Variants in TIGD1 observed in about 807,000 individuals in gnomAD.
TIGD1 encodes the protein tigger transposable element derived 1.
Under a neutral mutation model 21.3 loss-of-function variants are expected in TIGD1, and 20 were observed. The ratio of observed to expected loss-of-function variants is 0.94; its 90% confidence interval spans 0.66 to 1.36. TIGD1 has a LOEUF of 1.36. Ranked by LOEUF, TIGD1 falls within the 40% of genes most tolerant of loss-of-function variation. The pLI, the probability that TIGD1 is intolerant of heterozygous loss-of-function variation, is 0.00. For synonymous variants in TIGD1, 177 were observed against 123.2 expected (o/e 1.44, Z -2.89); for missense variants, 556 against 350.5 (o/e 1.59, Z -4.68).
rs1692203084 is a variant in TIGD1, at chr2:232,549,097, G to C, written c.786C>G (p.Asn262Lys). 10 of 715,844 alleles carry C rather than the reference G, an allele frequency of 1.4e-5. 1 individual carries two copies. Among genetic ancestry groups the C allele is most frequent in the South Asian group, 1.3e-4 (9 of 67,376 alleles). The allele number at this position is 715,844 out of a possible 1,614,324, so 44.3% of individuals were successfully genotyped here. ...GATGTGCTGTCATCCGGGCTTTGCTGTTCCATTTATATAGCACGGGTAGAG... is the reference window on the plus strand; with the variant it reads ...GATGTGCTGTCATCCGGGCTTTGCTCTTCCATTTATATAGCACGGGTAGAG... ...KSTLPVLYKW[N>K]SKARMTAHLF... Residue 262 changes from asparagine to lysine, a missense_variant, in exon 1 of 1, where the codon AAC becomes AAG. Coordinates refer to ENST00000408957, the MANE Select transcript of TIGD1 (RefSeq NM_145702.4).
chr2:232,544,310 T>G lies in TIGD1; in HGVS notation c.*3797A>C. On this transcript the variant is annotated 3_prime_UTR_variant, in exon 1 of 1. Transcript: ENST00000408957. ...GCAGCACAAGCCCTTCACGCCAACC[T>G]CTGGCTTCTGCTCTGAAGCTCGGCC... 1 of 1,356,856 alleles carries G rather than the reference T, an allele frequency of 7.4e-7. No homozygotes were observed. The highest frequency in any genetic ancestry group is 1.1e-6 in the Non-Finnish European group (1 of 950,106). 84.1% of individuals were successfully genotyped at this position (1,356,856 alleles called of 1,614,324 possible).
rs1025891297 is a variant in TIGD1 at position 232,545,333 on chromosome 2, GGAAA to G, written c.*2770_*2773del. On this transcript the variant is annotated 3_prime_UTR_variant, in exon 1 of 1. Coordinates refer to ENST00000408957, the MANE Select transcript of TIGD1 (RefSeq NM_145702.4). Reference sequence around the variant, plus strand: ...GACTCCGTCTCAAAAAAAAAAAAAAGGAAAGAAAGAAAGAAAAAGGAACAGGGGC... The same window carrying G: ...GACTCCGTCTCAAAAAAAAAAAAAAGGAAAGAAAGAAAAAGGAACAGGGGC... Among the ~76,000 whole-genome samples the G allele has an allele frequency of 6.8e-6, 1 of 146,462 alleles. No homozygotes were observed. The highest frequency in any genetic ancestry group is 2.5e-5 in the African/African-American group (1 of 39,226).
At position 232,549,794 on chromosome 2, in the gene TIGD1, C is replaced by A. The variant is rs779778224; in HGVS notation, c.89G>T (p.Gly30Val). The change falls in exon 1 of 1, where the codon GGT (glycine) becomes GTT (valine). Residue 30 changes from glycine to valine, a missense_variant. Transcript: ENST00000408957. The stretch of plus-strand genomic sequence containing the variant: ...TCGGCCTATCTCGGCTTTTGACATA[C>A]CTTCCTCACTCAGTTTAATCATTTC... ...KLEMIKLSEE[G>V]MSKAEIGRRL... The A allele has an allele frequency of 2.3e-5, 35 of 1,545,748 alleles. No homozygotes were observed. Among genetic ancestry groups the A allele is most frequent in the Non-Finnish European group, 2.9e-5 (33 of 1,142,858 alleles).
At position 232,544,268 on chromosome 2, in the gene TIGD1, T is replaced by C. The variant is rs2106222692; in HGVS notation, c.*3839A>G. On this transcript the variant is annotated 3_prime_UTR_variant, in exon 1 of 1. Transcript: ENST00000408957. Reference sequence around the variant, plus strand: ...AGGCCACGTCACTGCCCCGGTATGCTGCCTCCATGGTCCCTAGCAGCACAA... The same window carrying C: ...AGGCCACGTCACTGCCCCGGTATGCCGCCTCCATGGTCCCTAGCAGCACAA... The C allele has an allele frequency of 1.1e-6, 1 of 918,994 alleles. No homozygotes were observed. The highest frequency in any genetic ancestry group is 1.3e-5 in the South Asian group (1 of 76,990). 56.9% of individuals were successfully genotyped at this position (918,994 alleles called of 1,614,324 possible).
Position 232,548,117 on chromosome 2 carries a change from C to A in TIGD1, c.1766G>T (p.Gly589Val), listed in dbSNP as rs775316476. 6 of 765,744 alleles carry A rather than the reference C, an allele frequency of 7.8e-6. No homozygotes were observed. The South Asian group carries it at 9.7e-5, about 12-fold the overall frequency. 47.4% of individuals were successfully genotyped at this position (765,744 alleles called of 1,614,324 possible). Residue 589 changes from glycine to valine, a missense_variant, in exon 1 of 1, where the codon GGC becomes GTC. By Grantham distance (109) the Gly-to-Val change is moderately radical. Coordinates refer to ENST00000408957, the MANE Select transcript of TIGD1 (RefSeq NM_145702.4). ...PPAKRVRLTE[G>V]SD ...AAAAAATGCTGATTATCAATCTGAG[C>A]CTTCGGTGAGTCGTACTCTTTTTGC...
rs1389618966 is a variant in TIGD1 at position 232,549,872 on chromosome 2, T to C, written c.11A>G (p.Lys4Arg). Residue 4 changes from lysine to arginine, a missense_variant, in exon 1 of 1, where the codon AAG becomes AGG. Coordinates refer to ENST00000408957, the MANE Select transcript of TIGD1 (RefSeq NM_145702.4). ...GCGACTCTTCCTTTCACTTGAGCAC[T>C]TAGAGGCCATTGCAGAGTCATTAAT... is the stretch of plus-strand genomic sequence containing the variant. MAS[K>R]CSSERKSRTS... The C allele has an allele frequency of 2.7e-6, 4 of 1,478,530 alleles. No individual in the cohort carries two copies. The highest frequency in any genetic ancestry group is 2.7e-5 in the South Asian group (2 of 74,854). The allele number at this position is 1,478,530 out of a possible 1,614,324, so 91.6% of individuals were successfully genotyped here. A position where few individuals can be genotyped will look rare whatever the true frequency, so the allele number is the denominator to read the frequency against.
Position 232,550,189 on chromosome 2 carries a change from G to T in TIGD1, c.-307C>A. On this transcript the variant is annotated 5_prime_UTR_variant, in exon 1 of 1. Coordinates refer to ENST00000408957, the MANE Select transcript of TIGD1 (RefSeq NM_145702.4). ...AGTGAGCACATGCTGTTGGAAAAAT[G>T]GCGCTGATACAATTGCTGGACTCAG... 1 of 321,234 alleles carries T rather than the reference G, an allele frequency of 3.1e-6. No homozygotes were observed. The highest frequency in any genetic ancestry group is 5.8e-5 in the East Asian group (1 of 17,132). The allele number at this position is 321,234 out of a possible 1,614,324, so 19.9% of individuals were successfully genotyped here. A position where few individuals can be genotyped will look rare whatever the true frequency, so the allele number is the denominator to read the frequency against.
Position 232,544,783 on chromosome 2 carries a change from GA to G in TIGD1, c.*3323del. The stretch of plus-strand genomic sequence containing the variant: ...TTTCTCTTTATCAGAGAAAGGCCCG[GA>G]GTTAGGGCTGAGCCAGTTCTGTGGC... On this transcript the variant is annotated 3_prime_UTR_variant, in exon 1 of 1. Transcript: ENST00000408957. 6.2e-7 allele frequency: 1 copy of G among 1,614,022 alleles called. No homozygotes were observed. Among genetic ancestry groups the G allele is most frequent in the Non-Finnish European group, 8.5e-7 (1 of 1,180,018 alleles).
chr2:232,545,020 G>A lies in TIGD1; in HGVS notation c.*3087C>T. On this transcript the variant is annotated 3_prime_UTR_variant, in exon 1 of 1. Coordinates refer to ENST00000408957, the MANE Select transcript of TIGD1 (RefSeq NM_145702.4). The stretch of plus-strand genomic sequence containing the variant: ...AGTGGGATGGAAAAACATGAGGCCG[G>A]GTGCAGTGGGTCACACCTGTAATCC... The A allele has an allele frequency of 2.4e-6, 3 of 1,275,550 alleles. No homozygotes were observed. Among genetic ancestry groups the A allele is most frequent in the Non-Finnish European group, 3.3e-6 (3 of 896,926 alleles). The allele number at this position is 1,275,550 out of a possible 1,614,324, so 79.0% of individuals were successfully genotyped here.
chr2:232,549,815 A>G lies in TIGD1; in HGVS notation c.68T>C (p.Met23Thr), dbSNP rs776253311. ...TSLTLNQKLE[M>T]IKLSEEGMSK... is the part of the protein sequence containing the mutation. The stretch of plus-strand genomic sequence containing the variant: ...CATACCTTCCTCACTCAGTTTAATC[A>G]TTTCTAGTTTTTGATTTAAAGTGAG... The change falls in exon 1 of 1, where the codon ATG becomes ACG. Residue 23 changes from methionine (M) to threonine (T), a missense_variant. Coordinates refer to ENST00000408957, the MANE Select transcript of TIGD1 (RefSeq NM_145702.4). 1.0e-4 allele frequency: 156 copies of G among 1,544,796 alleles called. No homozygotes were observed. The highest frequency in any genetic ancestry group is 1.2e-4 in the Admixed American group (6 of 50,290).
At chr2:232,550,555 TGCGCAGCCGCCCTGA>T in exon 1 of TIGD1, 1 of 866,208 alleles carries the variant, frequency 1.2e-6, no homozygotes. Flanking sequence ...TCCAGCCCTC[TGCGCAGCCGCCCTGA>T]GCTGGCGTCC....
In TIGD1 at chr2:232,544,319, T is replaced by C; in HGVS notation, c.*3788A>G. 1.4e-6 allele frequency: 2 copies of C among 1,433,898 alleles called. No individual in the cohort carries two copies. Among genetic ancestry groups the C allele is most frequent in the African/African-American group, 1.4e-5 (1 of 71,554 alleles). The allele number at this position is 1,433,898 out of a possible 1,614,324, so 88.8% of individuals were successfully genotyped here. ...GCCCTTCACGCCAACCTCTGGCTTC[T>C]GCTCTGAAGCTCGGCCTGCTGCCCT... On this transcript the variant is annotated 3_prime_UTR_variant, in exon 1 of 1. Transcript: ENST00000408957.
Position 232,548,014 on chromosome 2 carries a change from A to G in TIGD1, c.*93T>C. On this transcript the variant is annotated 3_prime_UTR_variant, in exon 1 of 1. Coordinates refer to ENST00000408957, the MANE Select transcript of TIGD1 (RefSeq NM_145702.4). The stretch of plus-strand genomic sequence containing the variant: ...CATATAAAAGTTATGTTTACACTAT[A>G]CTGTAGACCAGCAAGAGTGCAATAG... The G allele has an allele frequency of 1.9e-6, 1 of 533,330 alleles. No homozygotes were observed. The allele number at this position is 533,330 out of a possible 1,614,324, so 33.0% of individuals were successfully genotyped here.
In TIGD1 at chr2:232,548,291, CT is replaced by C; in HGVS notation, c.1591del (p.Arg531GlufsTer36). On this transcript the variant is annotated frameshift_variant, in exon 1 of 1. Coordinates refer to ENST00000408957, the MANE Select transcript of TIGD1 (RefSeq NM_145702.4). LOFTEE classifies it high-confidence loss of function. The stretch of plus-strand genomic sequence containing the variant: ...ACTCTTCCTTTCATGAAAGATTTCT[CT>C]GTAGCATGCGATGCTGTTTGATAGC... ...KMLSNSIACYREIFHERKSQL... is the reference protein window; with the variant it reads ...KMLSNSIACYXEIFHERKSQL... 1 of 1,527,972 alleles carries C rather than the reference CT, an allele frequency of 6.5e-7. No individual in the cohort carries two copies. Among genetic ancestry groups the C allele is most frequent in the Non-Finnish European group, 8.8e-7 (1 of 1,140,410 alleles). 94.7% of individuals were successfully genotyped at this position (1,527,972 alleles called of 1,614,324 possible).
In TIGD1 at chr2:232,546,669, T is replaced by C. The variant is rs913567432; in HGVS notation, c.*1438A>G. Among the ~76,000 whole-genome samples, 1 of 152,028 alleles carries C rather than the reference T, an allele frequency of 6.6e-6. No individual in the cohort carries two copies. Among genetic ancestry groups the C allele is most frequent in the African/African-American group, 2.4e-5 (1 of 41,360 alleles). On this transcript the variant is annotated 3_prime_UTR_variant, in exon 1 of 1. Transcript: ENST00000408957. The stretch of plus-strand genomic sequence containing the variant: ...TAATTAAGAGCTCCTCACAGCAGTA[T>C]GGATAAGCAAGAGTCATTATTCCCC...
rs932945569 is a variant in TIGD1 at position 232,544,013 on chromosome 2, G to A, written c.*4094C>T. ...GCACTACAAAGTCGAAAAAGCAGGAGTCTGCCAGGGCAGTCTGATTCCAGT... is the reference window on the plus strand; with the variant it reads ...GCACTACAAAGTCGAAAAAGCAGGAATCTGCCAGGGCAGTCTGATTCCAGT... On this transcript the variant is annotated 3_prime_UTR_variant, in exon 1 of 1. Transcript: ENST00000408957. Among the ~76,000 whole-genome samples, 2 of 152,234 alleles carry A rather than the reference G, an allele frequency of 1.3e-5. No homozygotes were observed. Among genetic ancestry groups the A allele is most frequent in the African/African-American group, 4.8e-5 (2 of 41,462 alleles).
Position 232,547,927 on chromosome 2 carries a change from C to T in TIGD1, c.*180G>A, listed in dbSNP as rs1280022345. The T allele has an allele frequency of 1.6e-5, 7 of 439,934 alleles. No homozygotes were observed. The highest frequency in any genetic ancestry group is 1.2e-4 in the South Asian group (2 of 16,012). The allele number at this position is 439,934 out of a possible 1,614,324, so 27.3% of individuals were successfully genotyped here. On this transcript the variant is annotated 3_prime_UTR_variant, in exon 1 of 1. Transcript: ENST00000408957. ...GTCGAGGCATACCTCAAAGACATTG[C>T]AGGTTCAGTTCCAGACCAACACAAG... is the stretch of plus-strand genomic sequence containing the variant.
chr2:232,544,956 G>A lies in TIGD1; in HGVS notation c.*3151C>T, dbSNP rs1463559258. The A allele has an allele frequency of 1.4e-5, 23 of 1,610,376 alleles. No individual in the cohort carries two copies. Among genetic ancestry groups the A allele is most frequent in the African/African-American group, 9.4e-5 (7 of 74,820 alleles). On this transcript the variant is annotated 3_prime_UTR_variant, in exon 1 of 1. Transcript: ENST00000408957. Reference sequence around the variant, plus strand: ...GGAGTGAGTACCTGGGCTTGGAACCGTGATAGAGACAGGATGAGTGGGGTT... The same window carrying A: ...GGAGTGAGTACCTGGGCTTGGAACCATGATAGAGACAGGATGAGTGGGGTT...
Position 232,545,996 on chromosome 2 carries a change from C to T in TIGD1, c.*2111G>A, listed in dbSNP as rs1480230872. ...GCCACCCCTCCACTCAGTGCACTCCCCTCACTTAGGCAAAGCATTATTCAT... is the reference window on the plus strand; with the variant it reads ...GCCACCCCTCCACTCAGTGCACTCCTCTCACTTAGGCAAAGCATTATTCAT... On this transcript the variant is annotated 3_prime_UTR_variant, in exon 1 of 1. Coordinates refer to ENST00000408957, the MANE Select transcript of TIGD1 (RefSeq NM_145702.4). The T allele has an allele frequency of 1.8e-6, 1 of 559,356 alleles. No individual in the cohort carries two copies. Among genetic ancestry groups the T allele is most frequent in the South Asian group, 1.9e-5 (1 of 51,438 alleles). The allele number at this position is 559,356 out of a possible 1,614,324, so 34.6% of individuals were successfully genotyped here.
Sources: gnomAD v4.1 joint callset for allele counts (sites outside exome capture counted in the v4.1 genomes callset) on GRCh38, gnomAD v4.1.1 for gene constraint, MANE v1.5 for transcripts, NCBI Gene and HGNC (gene_info 2026-07-23, HGNC 2026-07-21) for gene names.